GLB1: variants seen among roughly 807,000 people sequenced by gnomAD.
GLB1 encodes the protein beta-galactosidase.
In GLB1, 56 loss-of-function variants were observed where a neutral mutation model predicts 74.0. The observed-to-expected ratio is 0.76, with a 90% CI of 0.61 to 0.94. GLB1 has a LOEUF of 0.94. Ranked by LOEUF, GLB1 falls within the 40% of genes least tolerant of loss-of-function variation. The pLI is 0.00. For missense variants in GLB1, 787 were observed against 845.5 expected (o/e 0.93, Z 0.86); for synonymous variants, 323 against 323.6 (o/e 1.00, Z 0.02).
At chr3:32,962,693 A>G in the GLB1 span, among the ~76,000 whole-genome samples, 1 of 151,844 alleles carries the variant, frequency 6.6e-6, no homozygotes. Context: ...GGGATAACAG[A>G]CCCACATTAT....
chr3:33,080,092 G>GC (rs1553613468), intron 1 of GLB1, among the ~76,000 whole-genome samples: 2 of 137,850 alleles, frequency 1.5e-5, no homozygotes, highest in Admixed American at 1.4e-4. Context: ...CCTGAAAACT[G>GC]TTTTTTTTTG....
intron 1 of GLB1, among the ~76,000 whole-genome samples, chr3:33,074,149 C>T (rs1017898205): frequency 4.8e-5 from 7 of 146,996 alleles, no homozygotes; most frequent in East Asian, 2.0e-4. Context: ...AGCATCCTGG[C>T]CAACATGGTG....
At chr3:32,982,418 T>A in the GLB1 span, among the ~76,000 whole-genome samples, 67 of 152,202 alleles carry the variant, frequency 4.4e-4, no homozygotes, top group African/African-American at 1.6e-3. Context: ...TATATTTAAT[T>A]TTCAAAGTTT....
chr3:33,011,448 T>C (rs570711865), intron 15 of GLB1, among the ~76,000 whole-genome samples: 1 of 142,930 alleles, frequency 7.0e-6, no homozygotes, highest in Non-Finnish European at 1.5e-5. Context: ...CCAATAAAAA[T>C]AAAAAAAAAA....
chr3:32,969,727 G>A, the GLB1 span, among the ~76,000 whole-genome samples: 9 of 152,210 alleles, frequency 5.9e-5, no homozygotes, highest in African/African-American at 2.2e-4. Context: ...GTGGCCCCCA[G>A]ATCTGTAAAA....
At chr3:32,985,678 T>A in the GLB1 span, among the ~76,000 whole-genome samples, 1 of 152,130 alleles carries the variant, frequency 6.6e-6, no homozygotes, top group Non-Finnish European at 1.5e-5. Context: ...CTTGATAAAT[T>A]GGAATTCTAT....
chr3:33,057,734 C>T (rs566688743), intron 6 of GLB1, among the ~76,000 whole-genome samples: 76 of 152,280 alleles, frequency 5.0e-4, no homozygotes, highest in Middle Eastern at 6.8e-3. Flanking sequence ...AGCAGAGAAG[C>T]GCGCCCCAGA....
chr3:33,008,157 C>A (rs1020236288), intron 15 of GLB1, among the ~76,000 whole-genome samples: 1 of 152,174 alleles, frequency 6.6e-6, no homozygotes, highest in Non-Finnish European at 1.5e-5. Context: ...CACACTTTTC[C>A]ATTGGTCTCT....
At chr3:33,088,243 A>G (rs2125577688) in intron 1 of GLB1, among the ~76,000 whole-genome samples, 1 of 152,262 alleles carries the variant, frequency 6.6e-6, no homozygotes, top group Middle Eastern at 3.4e-3. Flanking sequence ...TACTCAACAT[A>G]GTTTTGGAAG....
rs1422461704 is a variant in GLB1 at position 33,024,235 on chromosome 3, TA to T, written c.1143+15del. 4.4e-6 allele frequency: 7 copies of T among 1,604,240 alleles called. No homozygotes were observed. The highest frequency in any genetic ancestry group is 1.3e-5 in the African/African-American group (1 of 74,884). On this transcript the variant is annotated intron_variant, in intron 11 of 15. Transcript: ENST00000307363. ...CATCTCTCACTTTCAAAGTTTCTGTTATTTTTTTTTCTTACCTTTTCCAAAG... is the reference window on the plus strand; with the variant it reads ...CATCTCTCACTTTCAAAGTTTCTGTTTTTTTTTTTCTTACCTTTTCCAAAG...
chr3:33,032,625 G>C (rs531475559), intron 10 of GLB1, among the ~76,000 whole-genome samples: 1 of 152,010 alleles, frequency 6.6e-6, no homozygotes, highest in Admixed American at 6.6e-5. Flanking sequence ...GTCTCACTAT[G>C]TTGCCCAAGC....
At chr3:33,067,959 C>T (rs1229612997) in intron 4 of GLB1, among the ~76,000 whole-genome samples, 4 of 152,174 alleles carry the variant, frequency 2.6e-5, no homozygotes, top group Non-Finnish European at 4.4e-5. Context: ...GATCTCGGTT[C>T]ACTGCAACTT....
intron 6 of GLB1, among the ~76,000 whole-genome samples, chr3:33,054,480 T>C (rs1699135818): frequency 6.6e-6 from 1 of 152,196 alleles, no homozygotes; most frequent in African/African-American, 2.4e-5. Flanking sequence ...ACATATCTTG[T>C]GGGCTTATCT....
At chr3:33,069,822 CTTTTA>C (rs1221032235) in intron 2 of GLB1, among the ~76,000 whole-genome samples, 1 of 152,076 alleles carries the variant, frequency 6.6e-6, no homozygotes, top group African/African-American at 2.4e-5. Flanking sequence ...TTTTTAAAAA[CTTTTA>C]TTTTAGGTTC....
intron 1 of GLB1, chr3:33,094,206 C>A: frequency 6.3e-7 from 1 of 1,584,130 alleles, no homozygotes; most frequent in South Asian, 1.2e-5. Context: ...TTTCTCTGCT[C>A]CTAGTAGGCT....
intron 6 of GLB1, among the ~76,000 whole-genome samples, chr3:33,057,797 C>T (rs1699278517): frequency 6.6e-6 from 1 of 152,116 alleles, no homozygotes; most frequent in Non-Finnish European, 1.5e-5. Context: ...GCTGGAGATG[C>T]CTACCTGCTT....
rs1051691955 is a variant in GLB1, at chr3:33,092,043, T to G, written c.75+4968A>C. Reference sequence around the variant, plus strand: ...TATCTCCAAATAGGGAAAAGCAGCCTGTCCCCAGTGAGCTCCCCGAAGGGT... The same window carrying G: ...TATCTCCAAATAGGGAAAAGCAGCCGGTCCCCAGTGAGCTCCCCGAAGGGT... On this transcript the variant is annotated intron_variant, in intron 1 of 15. Coordinates refer to ENST00000307363, the MANE Select transcript of GLB1 (RefSeq NM_000404.4). 3.0e-6 allele frequency: 3 copies of G among 985,178 alleles called. No individual in the cohort carries two copies. In the African/African-American group the frequency reaches 5.2e-5, roughly 17 times the overall value. The allele number at this position is 985,178 out of a possible 1,614,324, so 61.0% of individuals were successfully genotyped here.
intron 1 of GLB1, among the ~76,000 whole-genome samples, chr3:33,085,445 T>C (rs968339771): frequency 6.6e-6 from 1 of 152,192 alleles, no homozygotes; most frequent in Admixed American, 6.5e-5. Flanking sequence ...ATAAAATCCA[T>C]AATCTCTTAT....
chr3:32,975,429 C>G, the GLB1 span, among the ~76,000 whole-genome samples: 1 of 152,042 alleles, frequency 6.6e-6, no homozygotes, highest in Non-Finnish European at 1.5e-5. Context: ...GGCATCTTCC[C>G]ATTAAACAAA....
Sources: gnomAD v4.1 joint callset for allele counts (sites outside exome capture counted in the v4.1 genomes callset) on GRCh38, gnomAD v4.1.1 for gene constraint, MANE v1.5 for transcripts, NCBI Gene and HGNC (gene_info 2026-07-23, HGNC 2026-07-21) for gene names.